APC2: variants seen among roughly 807,000 people sequenced by gnomAD.
The protein encoded by APC2 is APC regulator of Wnt signaling pathway 2, also known as adenomatous polyposis coli protein 2.
A neutral mutation model predicts 72.5 loss-of-function variants in APC2; 41 were observed. The ratio of observed to expected loss-of-function variants is 0.57; its 90% CI spans 0.44 to 0.73. The LOEUF (loss-of-function observed/expected upper bound fraction) is 0.73, where lower values mean the gene tolerates loss of function less well. Among genes scored for constraint, APC2 ranks in the 30% least tolerant of loss-of-function variants. The pLI is 0.00. For synonymous variants in APC2, 1,898 were observed against 1,612.0 expected (o/e 1.18, Z -4.25); for missense variants, 3,729 against 3,403.4 (o/e 1.10, Z -2.38).
Position 1,469,791 on chromosome 19 carries a change from G to T in APC2, c.6490G>T (p.Ala2164Ser). The T allele has an allele frequency of 6.6e-7, 1 of 1,518,808 alleles. No homozygotes were observed. The highest frequency in any genetic ancestry group is 1.2e-5 in the South Asian group (1 of 83,124). The allele number at this position is 1,518,808 out of a possible 1,614,324, so 94.1% of individuals were successfully genotyped here. A position where few individuals can be genotyped will look rare whatever the true frequency, so the allele number is the denominator to read the frequency against. Residue 2164 changes from alanine (A) to serine (S), a missense_variant, in exon 15 of 15, where the codon GCC becomes TCC. Ala to Ser is a moderately conservative substitution (Grantham distance 99, BLOSUM62 1). Transcript: ENST00000590469. ...VPHILRSTLPATALPLRGSTP... is the reference protein window; with the variant it reads ...VPHILRSTLPSTALPLRGSTP... ...CCACATCCTGCGCAGCACGCTTCCC[G>T]CCACGGCCCTGCCACTGCGGGGCTC...
At chr19:1,448,587 T>C (rs2083708008), upstream of APC2, among the ~76,000 whole-genome samples, 1 of 142,038 alleles carries the variant, frequency 7.0e-6, no homozygotes, top group African/African-American at 2.6e-5. Context: ...GGTTCACGCC[T>C]GTAATCCCAG....
Position 1,469,842 on chromosome 19 carries a change from C to A in APC2, c.6541C>A (p.Pro2181Thr), listed in dbSNP as rs541531032. 1.3e-6 allele frequency: 2 copies of A among 1,519,340 alleles called. No individual in the cohort carries two copies. Among genetic ancestry groups the A allele is most frequent in the East Asian group, 2.6e-5 (1 of 38,786 alleles). 94.1% of individuals were successfully genotyped at this position (1,519,340 alleles called of 1,614,324 possible). A position where few individuals can be genotyped will look rare whatever the true frequency, so the allele number is the denominator to read the frequency against. ...GSTPEDAPAG[P>T]PPRKTSDAVV... Reference sequence around the variant, plus strand: ...CACGCCCGAGGACGCCCCGGCCGGGCCCCCGCCGCGCAAGACCAGCGACGC... The same window carrying A: ...CACGCCCGAGGACGCCCCGGCCGGGACCCCGCCGCGCAAGACCAGCGACGC... Residue 2181 changes from proline (P) to threonine (T), a missense_variant, in exon 15 of 15, where the codon CCC becomes ACC. Coordinates refer to ENST00000590469, the MANE Select transcript of APC2 (RefSeq NM_005883.3).
At position 1,469,495 on chromosome 19, in the gene APC2, G is replaced by A. The variant is rs774366454; in HGVS notation, c.6194G>A (p.Arg2065Gln). 7.2e-6 allele frequency: 8 copies of A among 1,107,670 alleles called. No individual in the cohort carries two copies. The highest frequency in any genetic ancestry group is 8.8e-6 in the Non-Finnish European group (8 of 911,978). 68.6% of individuals were successfully genotyped at this position (1,107,670 alleles called of 1,614,324 possible). ...APARQRPPAARPSPGERPARR... is the reference protein window; with the variant it reads ...APARQRPPAAQPSPGERPARR... ...GCCCGGCAGCGGCCCCCCGCGGCCC[G>A]ACCCAGCCCTGGCGAGCGCCCTGCC... The change falls in exon 15 of 15, where the codon CGA becomes CAA. Residue 2065 changes from arginine to glutamine, a missense_variant. By Grantham distance (43) the Arg-to-Gln change is conservative. Transcript: ENST00000590469.
rs573693509 is a variant in APC2, at chr19:1,452,530, G to C, written c.-18-454G>C. The C allele has an allele frequency of 2.0e-3, 340 of 170,700 alleles. 4 individuals carry two copies. Among genetic ancestry groups the C allele is most frequent in the Non-Finnish European group, 1.9e-3 (151 of 79,104 alleles). The allele number at this position is 170,700 out of a possible 1,614,324, so 10.6% of individuals were successfully genotyped here. On this transcript the variant is annotated intron_variant, in intron 1 of 14. Coordinates refer to ENST00000590469, the MANE Select transcript of APC2 (RefSeq NM_005883.3). The surrounding 1 kb of genome is among the most constrained non-coding windows in gnomAD (Gnocchi z 5.1). ...AGCCTCTGGGCAGGCTTGCTTTTAT[G>C]GGGGAGGGTCCTGTCTGTCTGTCTG...
At chr19:1,459,876 G>T (rs543140631) in intron 10 of APC2, among the ~76,000 whole-genome samples, 1 of 152,360 alleles carries the variant, frequency 6.6e-6, no homozygotes, top group South Asian at 2.1e-4. Flanking sequence ...GGGCAGGGAA[G>T]AACATTCCAG....
upstream of APC2, among the ~76,000 whole-genome samples, chr19:1,447,264 C>G (rs2083696246): frequency 6.6e-6 from 1 of 152,234 alleles, no homozygotes; most frequent in African/African-American, 2.4e-5. Context: ...TGGGGGCCGC[C>G]CCTGTTTCTG....
chr19:1,453,729 C>T, intron 4 of APC2, 118 bp downstream of exon 4: 2 of 1,334,684 alleles, frequency 1.5e-6, no homozygotes, highest in Non-Finnish European at 1.0e-6. Flanking sequence ...CACGCCCCAC[C>T]CACTTGCATA....
intron 14 of APC2, among the ~76,000 whole-genome samples, chr19:1,463,141 G>C (rs556665679): frequency 6.6e-6 from 1 of 151,694 alleles, no homozygotes; most frequent in South Asian, 2.1e-4. Flanking sequence ...CCAGGTGTGG[G>C]CCGGGCGTGG....
rs1056731285 is a variant in APC2 at position 1,454,851 on chromosome 19, G to A, written c.414-298G>A. 8.9e-4 allele frequency among the ~76,000 whole-genome samples: 136 copies of A among 152,282 alleles called. 1 individual carries two copies. The highest frequency in any genetic ancestry group is 3.1e-3 in the African/African-American group (129 of 41,546). On this transcript the variant is annotated intron_variant, in intron 4 of 14. Coordinates refer to ENST00000590469, the MANE Select transcript of APC2 (RefSeq NM_005883.3). ...CAAAGTGCTGGGATTACAGGCGTGA[G>A]CCACCGCGCCCGGCCGGCTATTTTT...
chr19:1,457,698 G>A (rs528841419), intron 9 of APC2: 263 of 550,124 alleles, frequency 4.8e-4, no homozygotes, highest in East Asian at 1.4e-3. Flanking sequence ...ACCCTGTCTC[G>A]TCAGTTTTAT....
Position 1,454,563 on chromosome 19 carries a change from C to CTTTTCTTTTTTTTTTTTTT in APC2, c.414-582_414-581insCTTTTTTTTTTTTTTTTTT, listed in dbSNP as rs1569140915. Among the ~76,000 whole-genome samples the CTTTTCTTTTTTTTTTTTTT allele has an allele frequency of 1.4e-4, 16 of 116,136 alleles. 1 individual carries two copies. The highest frequency in any genetic ancestry group is 2.0e-4 in the Non-Finnish European group (12 of 59,458). 76.2% of individuals were successfully genotyped at this position (116,136 alleles called of 152,430 possible). A position where few individuals can be genotyped will look rare whatever the true frequency, so the allele number is the denominator to read the frequency against. On this transcript the variant is annotated intron_variant, in intron 4 of 14. Transcript: ENST00000590469. ...CATCATGCCTGGCTAATCTTTTGTA[C>CTTTTCTTTTTTTTTTTTTT]TTTTTTTTTTTTTTTTTTGAGACGG...
chr19:1,465,719 G>A lies in APC2; in HGVS notation c.2418G>A (p.Leu806=). Residue 806 remains leucine, a synonymous_variant, in exon 15 of 15, where the codon CTG becomes CTA. Coordinates refer to ENST00000590469, the MANE Select transcript of APC2 (RefSeq NM_005883.3). ...GCCCTGCCGCGCTGTCCCTCTTCCT[G>A]GGCAGCCCCTTCCTGCAGGGGCAGG... ...PASPAALSLF[L]GSPFLQGQAL... The A allele has an allele frequency of 6.4e-7, 1 of 1,564,666 alleles. No homozygotes were observed. Among genetic ancestry groups the A allele is most frequent in the Non-Finnish European group, 8.6e-7 (1 of 1,157,046 alleles).
chr19:1,454,269 G>T (rs1363478143), intron 4 of APC2, among the ~76,000 whole-genome samples: 1 of 152,218 alleles, frequency 6.6e-6, no homozygotes, highest in Non-Finnish European at 1.5e-5. Flanking sequence ...TTGTAAGCTG[G>T]AGGGAGGTTA....
chr19:1,455,259 T>C lies in APC2; in HGVS notation c.522+2T>C. 6.4e-7 allele frequency: 1 copy of C among 1,569,316 alleles called. No individual in the cohort carries two copies. Among genetic ancestry groups the C allele is most frequent in the South Asian group, 1.2e-5 (1 of 85,402 alleles). On this transcript the variant is annotated splice_donor_variant, in intron 5 of 14. Transcript: ENST00000590469. LOFTEE classifies it high-confidence loss of function. ...GACGAGCTGCCGCACGTGGAGACGGTGAGCCGGCCGGGGAGCCAGGGGGCA... is the reference window on the plus strand; with the variant it reads ...GACGAGCTGCCGCACGTGGAGACGGCGAGCCGGCCGGGGAGCCAGGGGGCA...
At position 1,466,189 on chromosome 19, in the gene APC2, G is replaced by A. The variant is rs760674378; in HGVS notation, c.2888G>A (p.Arg963Gln). 28 of 1,557,794 alleles carry A rather than the reference G, an allele frequency of 1.8e-5. No individual in the cohort carries two copies. The highest frequency in any genetic ancestry group is 2.4e-5 in the East Asian group (1 of 42,348). The change falls in exon 15 of 15, where the codon CGG becomes CAG. Residue 963 changes from arginine to glutamine, a missense_variant. Physicochemically the swap from Arg to Gln is conservative, Grantham distance 43. Transcript: ENST00000590469. ...GAGGACCCCAGGTGTGGGCAGCCTC[G>A]GCCCAGCCGGCTTGACCTTGACCTG... ...RREDPRCGQPRPSRLDLDLPG... is the reference protein window; with the variant it reads ...RREDPRCGQPQPSRLDLDLPG...
chr19:1,451,471 A>G (rs555191803), intron 1 of APC2: 1 of 152,456 alleles, frequency 6.6e-6, no homozygotes, highest in Admixed American at 6.5e-5. Context: ...AGCCTTGGAC[A>G]TCATCGGATC....
At position 1,466,369 on chromosome 19, in the gene APC2, C is replaced by T. The variant is rs1442978930; in HGVS notation, c.3068C>T (p.Pro1023Leu). Reference sequence around the variant, plus strand: ...CCCCTCGCGGGGCCTGGAATCTCTCCAGGGGCCCGGAAGCAGGCCTGGCTG... The same window carrying T: ...CCCCTCGCGGGGCCTGGAATCTCTCTAGGGGCCCGGAAGCAGGCCTGGCTG... ...AEPLAGPGIS[P>L]GARKQAWLPA... The change falls in exon 15 of 15, where the codon CCA (proline) becomes CTA (leucine). Residue 1023 changes from proline to leucine, a missense_variant. Pro to Leu is a moderately conservative substitution (Grantham distance 98, BLOSUM62 -3). Transcript: ENST00000590469. The T allele has an allele frequency of 5.0e-6, 8 of 1,584,214 alleles. No homozygotes were observed. Among genetic ancestry groups the T allele is most frequent in the Non-Finnish European group, 6.8e-6 (8 of 1,169,856 alleles).
At chr19:1,448,943 C>T (rs2145170494), upstream of APC2, among the ~76,000 whole-genome samples, 1 of 152,354 alleles carries the variant, frequency 6.6e-6, no homozygotes, top group Non-Finnish European at 1.5e-5. Context: ...GGGACAGCTG[C>T]GTCCAGCTCT....
In APC2 at chr19:1,468,446, C is replaced by G; in HGVS notation, c.5145C>G (p.Asp1715Glu). 6.3e-7 allele frequency: 1 copy of G among 1,595,612 alleles called. No individual in the cohort carries two copies. The highest frequency in any genetic ancestry group is 8.5e-7 in the Non-Finnish European group (1 of 1,172,594). Reference protein sequence around the residue: ...AATREASSESDSILSFVSGLS... With the variant: ...AATREASSESESILSFVSGLS... Reference sequence around the variant, plus strand: ...CGCGGGAGGCCTCGTCCGAGTCCGACTCCATCCTGTCCTTCGTATCCGGGC... The same window carrying G: ...CGCGGGAGGCCTCGTCCGAGTCCGAGTCCATCCTGTCCTTCGTATCCGGGC... Residue 1715 changes from aspartate (D) to glutamate (E), a missense_variant, in exon 15 of 15, where the codon GAC becomes GAG. Physicochemically the swap from Asp to Glu is conservative, Grantham distance 45. Transcript: ENST00000590469.
Sources: allele counts gnomAD v4.1 joint callset (sites outside exome capture counted in the v4.1 genomes callset), GRCh38; gene constraint gnomAD v4.1.1; non-coding constraint Gnocchi (gnomAD v3.1); transcripts MANE v1.5; gene names NCBI Gene and HGNC (gene_info 2026-07-23, HGNC 2026-07-21).